AFG1L: variants seen among roughly 807,000 people sequenced by gnomAD.
AFG1L encodes the protein AFG1 like ATPase, also known as AFG1-like ATPase.
In AFG1L, 53 loss-of-function variants were observed where a neutral mutation model predicts 62.2. The observed-to-expected ratio is 0.85, with a 90% CI of 0.68 to 1.07. The LOEUF is 1.07. AFG1L is among the 50% of genes least tolerant of loss of function. AFG1L has a pLI of 0.00. For synonymous variants in AFG1L, 228 were observed against 210.3 expected (o/e 1.08, Z -0.73); for missense variants, 555 against 590.5 (o/e 0.94, Z 0.62).
intron 7 of AFG1L, among the ~76,000 whole-genome samples, chr6:108,413,495 A>G (rs1782210311): frequency 6.6e-6 from 1 of 152,226 alleles, no homozygotes; most frequent in African/African-American, 2.4e-5. Flanking sequence ...CACTTATTCC[A>G]AAATTGACCA....
chr6:108,333,793 T>G (rs1778367842), intron 2 of AFG1L, among the ~76,000 whole-genome samples: 1 of 152,086 alleles, frequency 6.6e-6, no homozygotes, highest in African/African-American at 2.4e-5. Context: ...TGGCTAATAC[T>G]GAGGAGGAAG....
chr6:108,308,018 T>C (rs143021982), intron 1 of AFG1L, among the ~76,000 whole-genome samples: 319 of 152,362 alleles, frequency 2.1e-3, no homozygotes, highest in African/African-American at 7.3e-3. Context: ...TGTAGTTCTT[T>C]ATATAATCTT....
chr6:108,307,573 G>A (rs886862161), intron 1 of AFG1L, among the ~76,000 whole-genome samples: 1 of 152,080 alleles, frequency 6.6e-6, no homozygotes, highest in African/African-American at 2.4e-5. Context: ...ACCACGCCTG[G>A]CTAATTTTTG....
chr6:108,469,987 G>C (rs571190570), intron 8 of AFG1L, among the ~76,000 whole-genome samples: 1 of 152,120 alleles, frequency 6.6e-6, no homozygotes, highest in African/African-American at 2.4e-5. Context: ...ACAAATACCC[G>C]TTTGCAGCCT....
chr6:108,316,216 C>G (rs963893022), intron 1 of AFG1L, among the ~76,000 whole-genome samples: 2 of 150,096 alleles, frequency 1.3e-5, no homozygotes, highest in Admixed American at 6.6e-5. Flanking sequence ...CCCGTCTCTA[C>G]TAAAAATACA....
chr6:108,477,823 G>T (rs1773175816), intron 10 of AFG1L, among the ~76,000 whole-genome samples: 2 of 152,066 alleles, frequency 1.3e-5, no homozygotes, highest in African/African-American at 4.8e-5. Flanking sequence ...AAAATGTTTA[G>T]CTGTATATGC....
chr6:108,508,086 C>T (rs937286719), intron 10 of AFG1L, among the ~76,000 whole-genome samples: 2 of 152,194 alleles, frequency 1.3e-5, no homozygotes, highest in East Asian at 1.9e-4. Flanking sequence ...TTAATTCTCA[C>T]GATTCTGTCA....
At chr6:108,376,042 G>C (rs1164924062) in intron 6 of AFG1L, among the ~76,000 whole-genome samples, 2 of 152,122 alleles carry the variant, frequency 1.3e-5, no homozygotes, top group African/African-American at 4.8e-5. Flanking sequence ...AATCTTGGGA[G>C]ATTGTATGTT....
intron 1 of AFG1L, chr6:108,318,127 A>G: frequency 5.8e-6 from 1 of 172,812 alleles, no homozygotes; most frequent in Non-Finnish European, 1.2e-5. Flanking sequence ...CATGTGTGGC[A>G]TGTGCCAAGT....
At position 108,302,521 on chromosome 6, in the gene AFG1L, T is replaced by C. The variant is rs570969556; in HGVS notation, c.139+7303T>C. Among the ~76,000 whole-genome samples the C allele has an allele frequency of 1.1e-3, 165 of 152,160 alleles. 1 individual carries two copies. Among genetic ancestry groups the C allele is most frequent in the African/African-American group, 3.7e-3 (155 of 41,516 alleles). ...GTTTGTACCCTCAAATACCTATGAG[T>C]TGAGTAAATACCTCTTCTCTTGAGG... is the stretch of plus-strand genomic sequence containing the variant. On this transcript the variant is annotated intron_variant, in intron 1 of 12. Transcript: ENST00000368977.
rs1402000591 is a variant in AFG1L at position 108,323,954 on chromosome 6, A to C, written c.269A>C (p.Asp90Ala). 1.2e-6 allele frequency: 2 copies of C among 1,614,020 alleles called. No individual in the cohort carries two copies. The highest frequency in any genetic ancestry group is 2.2e-5 in the South Asian group (2 of 91,086). The part of the protein sequence containing the change: ...DFLIKAHELK[D>A]DEHQRRVIQC... ...CTGATCAAAGCTCATGAGCTAAAGG[A>C]TGATGAACATCAAAGAAGAGTCATA... The change falls in exon 2 of 13, where the codon GAT becomes GCT. Residue 90 changes from aspartate (D) to alanine (A), a missense_variant. Physicochemically the swap from Asp to Ala is moderately radical, Grantham distance 126. Coordinates refer to ENST00000368977, the MANE Select transcript of AFG1L (RefSeq NM_145315.5).
intron 10 of AFG1L, among the ~76,000 whole-genome samples, chr6:108,483,185 G>A (rs890743790): frequency 3.3e-5 from 5 of 151,784 alleles, no homozygotes; most frequent in African/African-American, 1.2e-4. Flanking sequence ...GTAAGACAAT[G>A]CCATTCTTGT....
chr6:108,303,273 C>T (rs1290441923), intron 1 of AFG1L, among the ~76,000 whole-genome samples: 1 of 152,134 alleles, frequency 6.6e-6, no homozygotes, highest in Non-Finnish European at 1.5e-5. Flanking sequence ...TCTGGAACTC[C>T]TGGGCTCAAG....
At chr6:108,460,387 T>C (rs1460966722) in intron 8 of AFG1L, among the ~76,000 whole-genome samples, 8 of 152,192 alleles carry the variant, frequency 5.3e-5, no homozygotes, top group African/African-American at 1.9e-4. Flanking sequence ...ATCTAAAACC[T>C]GTCTCCTATA....
At chr6:108,353,339 A>G (rs1163575019) in intron 3 of AFG1L, among the ~76,000 whole-genome samples, 1 of 151,986 alleles carries the variant, frequency 6.6e-6, no homozygotes, top group Non-Finnish European at 1.5e-5. Context: ...AATTTTTAGT[A>G]GAGATGAGAT....
At chr6:108,522,074 C>T in intron 12 of AFG1L, 1 of 326,834 alleles carries the variant, frequency 3.1e-6, no homozygotes, top group Non-Finnish European at 5.7e-6. Context: ...GAAAGTTTTC[C>T]CTTTTAAGTT....
At chr6:108,472,905 G>A (rs756430119) in intron 8 of AFG1L, among the ~76,000 whole-genome samples, 1 of 151,412 alleles carries the variant, frequency 6.6e-6, no homozygotes, top group Non-Finnish European at 1.5e-5. Flanking sequence ...CCAGGTTCAA[G>A]GATTCTCATG....
chr6:108,340,423 G>GT (rs1324099167), intron 2 of AFG1L, among the ~76,000 whole-genome samples: 4 of 149,506 alleles, frequency 2.7e-5, no homozygotes, highest in African/African-American at 9.9e-5. Flanking sequence ...GAGTGCAGTG[G>GT]TGTGATCTAA....
intron 6 of AFG1L, among the ~76,000 whole-genome samples, chr6:108,367,401 G>A (rs147740434): frequency 1.8e-4 from 28 of 152,284 alleles, no homozygotes; most frequent in African/African-American, 6.7e-4. Context: ...GGAGACTACT[G>A]CAGCAATCCC....
Sources: allele counts gnomAD v4.1 joint callset (sites outside exome capture counted in the v4.1 genomes callset), GRCh38; gene constraint gnomAD v4.1.1; transcripts MANE v1.5; gene names NCBI Gene and HGNC (gene_info 2026-07-23, HGNC 2026-07-21).